Variants in RBPJ observed in about 807,000 individuals in gnomAD.
RBPJ encodes recombination signal binding protein for immunoglobulin kappa J region.
In RBPJ, 9 loss-of-function variants were observed where a neutral mutation model predicts 67.8. The ratio of observed to expected loss-of-function variants is 0.13; its 90% CI spans 0.08 to 0.23. RBPJ has a LOEUF of 0.23. RBPJ is among the 10% of genes least tolerant of loss of function. RBPJ has a pLI of 1.00. For missense variants in RBPJ, 305 were observed against 595.6 expected (o/e 0.51, Z 5.08); for synonymous variants, 198 against 203.3 (o/e 0.97, Z 0.22).
chr4:26,338,997 T>C (rs893341387), intron 1 of RBPJ, among the ~76,000 whole-genome samples: 2 of 151,812 alleles, frequency 1.3e-5, no homozygotes, highest in Non-Finnish European at 2.9e-5. Context: ...TTTTTTGTAT[T>C]TTTTTTAGAG....
In RBPJ at chr4:26,268,662, CT is replaced by C. The variant is rs373537332; in HGVS notation, c.-166-93773del. 2.2e-3 allele frequency among the ~76,000 whole-genome samples: 331 copies of C among 147,654 alleles called. 1 individual carries two copies. The highest frequency in any genetic ancestry group is 7.3e-3 in the African/African-American group (297 of 40,512). ...CATTGTCAAACAGCTGGAAGCAAAC[CT>C]TTTTTTTTTTCCTCTCTCACAACTT... On this transcript the variant is annotated intron_variant, in intron 1 of 4. Transcript: ENST00000512351.
At chr4:26,140,370 A>C in the RBPJ span, among the ~76,000 whole-genome samples, 1 of 152,280 alleles carries the variant, frequency 6.6e-6, no homozygotes, top group East Asian at 1.9e-4. Flanking sequence ...ATCAGCAAAA[A>C]TAACATTTTA....
upstream of RBPJ, among the ~76,000 whole-genome samples, chr4:26,314,853 T>C (rs1722550135): frequency 6.6e-6 from 1 of 152,078 alleles, no homozygotes; most frequent in Non-Finnish European, 1.5e-5. Flanking sequence ...TAGCAGCTCA[T>C]GAAGATATCT....
chr4:26,117,913 ACAC>A, the RBPJ span, among the ~76,000 whole-genome samples: 2 of 152,020 alleles, frequency 1.3e-5, no homozygotes, highest in African/African-American at 4.8e-5. Flanking sequence ...AAACAACTAT[ACAC>A]CACAAATTAT....
intron 1 of RBPJ, among the ~76,000 whole-genome samples, chr4:26,200,145 C>T (rs1260428602): frequency 2.0e-5 from 3 of 152,168 alleles, no homozygotes; most frequent in Non-Finnish European, 2.9e-5. Flanking sequence ...GAACTTAAAT[C>T]GTTGTAGAGA....
the RBPJ span, among the ~76,000 whole-genome samples, chr4:26,124,914 T>C: frequency 6.6e-6 from 1 of 152,296 alleles, no homozygotes; most frequent in East Asian, 1.9e-4. Context: ...GGCACACGAC[T>C]GTAGTTCAGG....
chr4:26,119,164 G>A, the RBPJ span, among the ~76,000 whole-genome samples: 7,456 of 152,188 alleles, frequency 0.049, 618 homozygotes, highest in African/African-American at 0.17. Context: ...CTAGCACAAG[G>A]CTGCATATAG....
intron 1 of RBPJ, among the ~76,000 whole-genome samples, chr4:26,238,468 G>T (rs1168692557): frequency 6.6e-6 from 1 of 152,174 alleles, no homozygotes; most frequent in Non-Finnish European, 1.5e-5. Flanking sequence ...AAAATAGAAG[G>T]AAGTATGGAA....
chr4:26,210,687 C>T (rs11361690), intron 1 of RBPJ, among the ~76,000 whole-genome samples: 135 of 6,012 alleles, frequency 0.022, 6 homozygotes, highest in African/African-American at 0.042. Flanking sequence ...TCTTTCTTTC[C>T]TTTCTTTCTT....
intron 1 of RBPJ, among the ~76,000 whole-genome samples, chr4:26,277,198 C>T (rs979287063): frequency 2.7e-4 from 41 of 149,610 alleles, no homozygotes; most frequent in African/African-American, 8.5e-4. Context: ...CTTGAGCCCA[C>T]GAGTTCAAGG....
At chr4:26,329,049 A>C (rs1193355949) in intron 1 of RBPJ, among the ~76,000 whole-genome samples, 1 of 152,158 alleles carries the variant, frequency 6.6e-6, no homozygotes, top group Non-Finnish European at 1.5e-5. Context: ...GCTGGAGTGC[A>C]ATGGTGCGAT....
chr4:26,367,833 A>G (rs370940461), intron 1 of RBPJ: 1 of 152,218 alleles, frequency 6.6e-6, no homozygotes, highest in East Asian at 1.9e-4. Flanking sequence ...CAGCATATGT[A>G]TATTTTAAGA....
chr4:26,131,881 C>T, the RBPJ span, among the ~76,000 whole-genome samples: 1 of 152,238 alleles, frequency 6.6e-6, no homozygotes, highest in Non-Finnish European at 1.5e-5. Flanking sequence ...CCTCTCCCCT[C>T]ACCACCACTG....
At chr4:26,299,106 C>T (rs1721983415) in intron 1 of RBPJ, among the ~76,000 whole-genome samples, 1 of 152,002 alleles carries the variant, frequency 6.6e-6, no homozygotes, top group Admixed American at 6.6e-5. Context: ...TACTTTCTAC[C>T]TCAAAAAAAT....
At chr4:26,235,362 G>T (rs1361016299) in intron 1 of RBPJ, among the ~76,000 whole-genome samples, 1 of 152,196 alleles carries the variant, frequency 6.6e-6, no homozygotes, top group Non-Finnish European at 1.5e-5. Context: ...ACCTAAATAA[G>T]ATGTGTAACT....
chr4:26,243,036 G>A (rs1719702074), intron 1 of RBPJ, among the ~76,000 whole-genome samples: 2 of 152,122 alleles, frequency 1.3e-5, no homozygotes, highest in South Asian at 4.1e-4. Context: ...AGACCAGCCT[G>A]ACCAACATGG....
At chr4:26,202,990 G>GAAGGAAGA (rs1384210725) in intron 1 of RBPJ, among the ~76,000 whole-genome samples, 5 of 144,854 alleles carry the variant, frequency 3.5e-5, no homozygotes, top group Non-Finnish European at 7.7e-5. Flanking sequence ...AGGAAGGAAG[G>GAAGGAAGA]AAGGAAGGAA....
the RBPJ span, chr4:26,113,750 A>G: frequency 3.8e-6 from 1 of 266,356 alleles, no homozygotes; most frequent in East Asian, 8.7e-5. Context: ...CTATAAATGT[A>G]GTGAATGTGG....
intron 1 of RBPJ, among the ~76,000 whole-genome samples, chr4:26,302,398 G>A (rs1722104263): frequency 6.6e-6 from 1 of 152,126 alleles, no homozygotes; most frequent in African/African-American, 2.4e-5. Flanking sequence ...TGAAAACAAG[G>A]AATTTCTATT....
Sources: gnomAD v4.1 joint callset for allele counts (sites outside exome capture counted in the v4.1 genomes callset) on GRCh38, gnomAD v4.1.1 for gene constraint, MANE v1.5 for transcripts, NCBI Gene and HGNC (gene_info 2026-07-23, HGNC 2026-07-21) for gene names.